FHIP1A: variants seen among roughly 807,000 people sequenced by gnomAD.
The protein encoded by FHIP1A is FHF complex subunit HOOK-interacting protein 1A.
Under a neutral mutation model 88.6 loss-of-function variants are expected in FHIP1A, and 61 were observed. The ratio of observed to expected loss-of-function variants is 0.69; its 90% CI spans 0.56 to 0.85. FHIP1A has a LOEUF of 0.85. Among genes scored for constraint, FHIP1A ranks in the 40% least tolerant of loss-of-function variants. The probability of loss-of-function intolerance (pLI) is 0.00; values close to 1 mark genes in which losing one functional copy is unlikely to be tolerated. For synonymous variants in FHIP1A, 478 were observed against 496.0 expected (o/e 0.96, Z 0.48); for missense variants, 1,154 against 1,273.5 (o/e 0.91, Z 1.43).
intron 1 of FHIP1A, among the ~76,000 whole-genome samples, chr4:151,416,944 T>G (rs1180241744): frequency 6.6e-6 from 1 of 152,094 alleles, no homozygotes; most frequent in Non-Finnish European, 1.5e-5. Flanking sequence ...CCACCATGCC[T>G]GGCTAATTTT....
chr4:151,583,390 C>T (rs1477949976), intron 5 of FHIP1A, among the ~76,000 whole-genome samples: 1 of 152,192 alleles, frequency 6.6e-6, no homozygotes, highest in Admixed American at 6.5e-5. Context: ...CCGGGAGTAT[C>T]CTTATGCATA....
chr4:151,613,028 G>A (rs1018169722), intron 7 of FHIP1A, among the ~76,000 whole-genome samples: 1 of 152,194 alleles, frequency 6.6e-6, no homozygotes, highest in Non-Finnish European at 1.5e-5. Context: ...ATCAGGAAAG[G>A]CATGAGCATG....
In FHIP1A at chr4:151,649,469, G is replaced by T; in HGVS notation, c.1428G>T (p.Glu476Asp). The change falls in exon 11 of 14, where the codon GAG becomes GAT. Residue 476 changes from glutamate (E) to aspartate (D), a missense_variant. Transcript: ENST00000435205. The stretch of plus-strand genomic sequence containing the variant: ...CTGCCTCCTGTGCAGGGCCTGTGGA[G>T]CGGCCATTCCCCGAAGCGTTCTCCG... The part of the protein sequence containing the change: ...KCMHDTSGPV[E>D]RPFPEAFSES... 6.5e-7 allele frequency: 1 copy of T among 1,547,536 alleles called. No individual in the cohort carries two copies. The highest frequency in any genetic ancestry group is 1.7e-4 in the Middle Eastern group (1 of 5,972).
intron 2 of FHIP1A, among the ~76,000 whole-genome samples, chr4:151,478,501 A>G (rs980865236): frequency 6.6e-6 from 1 of 152,154 alleles, no homozygotes; most frequent in Non-Finnish European, 1.5e-5. Flanking sequence ...CGGTCATCTC[A>G]TTATAAATAC....
intron 8 of FHIP1A, among the ~76,000 whole-genome samples, chr4:151,638,083 A>G (rs140329528): frequency 6.6e-6 from 1 of 152,258 alleles, no homozygotes; most frequent in East Asian, 1.9e-4. Context: ...GATTGATAGA[A>G]TTCTTGTGTT....
At chr4:151,514,209 T>C (rs1731142531) in intron 3 of FHIP1A, among the ~76,000 whole-genome samples, 1 of 152,160 alleles carries the variant, frequency 6.6e-6, no homozygotes, top group Admixed American at 6.5e-5. Flanking sequence ...GACTACTGGG[T>C]ACATAACGAA....
At chr4:151,432,621 C>T (rs550727797) in intron 1 of FHIP1A, among the ~76,000 whole-genome samples, 34 of 152,298 alleles carry the variant, frequency 2.2e-4, no homozygotes, top group Non-Finnish European at 3.7e-4. Flanking sequence ...AGGAGATGGA[C>T]TTGTAACTCC....
At chr4:151,588,191 A>C (rs1734291112) in intron 6 of FHIP1A, among the ~76,000 whole-genome samples, 1 of 152,054 alleles carries the variant, frequency 6.6e-6, no homozygotes, top group South Asian at 2.1e-4. Flanking sequence ...GAAAGATATT[A>C]GTAGAGGGTT....
intron 7 of FHIP1A, among the ~76,000 whole-genome samples, chr4:151,616,767 A>C (rs541467456): frequency 4.7e-4 from 70 of 150,306 alleles, no homozygotes; most frequent in African/African-American, 1.7e-3. Context: ...TCTTTTTTTG[A>C]GACAGAGTCT....
At position 151,649,673 on chromosome 4, in the gene FHIP1A, T is replaced by C. The variant is rs1022564763; in HGVS notation, c.1632T>C (p.Ser544=). 6 of 1,551,538 alleles carry C rather than the reference T, an allele frequency of 3.9e-6. No individual in the cohort carries two copies. The highest frequency in any genetic ancestry group is 1.4e-5 in the African/African-American group (1 of 73,044). ...MFLQSLTEEG[S]VSSACPVFGL... ...TCCAGAGTCTGACGGAGGAGGGCAG[T>C]GTGAGCTCGGCCTGCCCTGTGTTCG... The change falls in exon 11 of 14, where the codon AGT becomes AGC. Residue 544 remains serine, a synonymous_variant. Coordinates refer to ENST00000435205, the MANE Select transcript of FHIP1A (RefSeq NM_001109977.3).
intron 1 of FHIP1A, among the ~76,000 whole-genome samples, chr4:151,447,360 C>T (rs1286035624): frequency 6.6e-6 from 1 of 152,072 alleles, no homozygotes; most frequent in East Asian, 1.9e-4. Context: ...GGAAGGCTTA[C>T]GTGTTCTTAG....
intron 2 of FHIP1A, among the ~76,000 whole-genome samples, chr4:151,479,678 C>T (rs1000902420): frequency 2.0e-5 from 3 of 152,030 alleles, no homozygotes; most frequent in Admixed American, 6.6e-5. Flanking sequence ...TAAATGTGCA[C>T]CCCACCCACA....
In FHIP1A at chr4:151,647,842, T is replaced by C. The variant is rs184374827; in HGVS notation, c.1417+1094T>C. ...TTGCCTCAGAATTCAAAATTCAAGT[T>C]AAACCTATGATTCTCCATAACTTGC... On this transcript the variant is annotated intron_variant, in intron 10 of 13. Transcript: ENST00000435205. 2.6e-5 allele frequency among the ~76,000 whole-genome samples: 4 copies of C among 152,366 alleles called. No individual in the cohort carries two copies. In the East Asian group the frequency reaches 7.7e-4, roughly 29 times the overall value.
At chr4:151,644,850 T>C (rs1560817872) in intron 9 of FHIP1A, among the ~76,000 whole-genome samples, 2 of 152,270 alleles carry the variant, frequency 1.3e-5, no homozygotes, top group East Asian at 3.9e-4. Flanking sequence ...TTGTCTTCTC[T>C]GGGTGCCCAC....
intron 4 of FHIP1A, among the ~76,000 whole-genome samples, chr4:151,570,785 C>G (rs968571344): frequency 6.6e-6 from 1 of 152,164 alleles, no homozygotes; most frequent in Non-Finnish European, 1.5e-5. Flanking sequence ...GTATGAAATA[C>G]AAGTTTAAAA....
chr4:151,410,179 A>G (rs2126495536), intron 1 of FHIP1A, among the ~76,000 whole-genome samples: 1 of 152,320 alleles, frequency 6.6e-6, no homozygotes, highest in South Asian at 2.1e-4. Context: ...TTTGGGAATC[A>G]CATGAGCAGG....
rs150282252 is a variant in FHIP1A, at chr4:151,571,836, G to C, written c.105+5472G>C. Among the ~76,000 whole-genome samples, 278 of 152,312 alleles carry C rather than the reference G, an allele frequency of 1.8e-3. 2 individuals carry two copies. The highest frequency in any genetic ancestry group is 5.6e-3 in the African/African-American group (233 of 41,570). ...ACAGGTAGCTCTAGCCTTGACAGTA[G>C]AAGGTAAAGTGAACCAAAGTTATAC... On this transcript the variant is annotated intron_variant, in intron 4 of 13. Transcript: ENST00000435205.
chr4:151,533,949 C>G (rs1442314671), intron 3 of FHIP1A, among the ~76,000 whole-genome samples: 1 of 152,200 alleles, frequency 6.6e-6, no homozygotes, highest in African/African-American at 2.4e-5. Flanking sequence ...AACCCATTTG[C>G]TTTTAGCCTG....
chr4:151,531,052 C>G (rs774214929), intron 3 of FHIP1A, among the ~76,000 whole-genome samples: 1 of 152,060 alleles, frequency 6.6e-6, no homozygotes, highest in South Asian at 2.1e-4. Flanking sequence ...TGTTTATATT[C>G]TGTTGTCACC....
Sources: gnomAD v4.1 joint callset for allele counts (sites outside exome capture counted in the v4.1 genomes callset) on GRCh38, gnomAD v4.1.1 for gene constraint, MANE v1.5 for transcripts, NCBI Gene and HGNC (gene_info 2026-07-23, HGNC 2026-07-21) for gene names.